Variants in PAX4 observed in about 807,000 individuals in gnomAD.
PAX4 encodes paired box protein Pax-4.
In PAX4, 33 loss-of-function variants were observed where a neutral mutation model predicts 40.6. That is an observed-to-expected ratio of 0.81 (90% CI 0.62 to 1.09). The LOEUF (loss-of-function observed/expected upper bound fraction) is 1.09, where lower values mean the gene tolerates loss of function less well. Among genes scored for constraint, PAX4 ranks in the 50% least tolerant of loss-of-function variants. PAX4 has a pLI of 0.00. For missense variants in PAX4, 459 were observed against 442.5 expected (o/e 1.04, Z -0.33); for synonymous variants, 174 against 170.6 (o/e 1.02, Z -0.16).
intron 5 of PAX4, 149 bp downstream of exon 5, chr7:127,614,731 C>T (rs1794695598): frequency 8.1e-7 from 1 of 1,237,206 alleles, no homozygotes; most frequent in Non-Finnish European, 1.2e-6. Context: ...TTATTACCAC[C>T]ACTTTTCAAA....
At chr7:127,614,203 A>T (rs1053444114) in intron 6 of PAX4, among the ~76,000 whole-genome samples, 16 of 152,082 alleles carry the variant, frequency 1.1e-4, no homozygotes, top group Non-Finnish European at 1.8e-4. Flanking sequence ...TATGAGATGC[A>T]GTCCTGCCTC....
Position 127,615,940 on chromosome 7 carries a change from A to G in PAX4, c.-12T>C. 2.6e-6 allele frequency: 4 copies of G among 1,535,960 alleles called. No homozygotes were observed. The Admixed American group carries it at 5.9e-5, about 23-fold the overall frequency. On this transcript the variant is annotated 5_prime_UTR_variant, in exon 3 of 12. Coordinates refer to ENST00000639438, the MANE Select transcript of PAX4 (RefSeq NM_001366110.1). ...CCGTCCTGATGCATGCTCCAGGCTG[A>G]CCCTCCTCAGAAGGATGAGACTCCA...
chr7:127,614,770 G>C (rs952883274), intron 5 of PAX4, 110 bp downstream of exon 5: 1 of 1,451,842 alleles, frequency 6.9e-7, no homozygotes, highest in Non-Finnish European at 9.4e-7. Context: ...GAATTGCCCA[G>C]GAGCCCTGTC....
intron 9 of PAX4, 72 bp downstream of exon 9, chr7:127,612,948 GAT>G: frequency 9.4e-7 from 1 of 1,068,096 alleles, no homozygotes; most frequent in Middle Eastern, 2.9e-4. Context: ...TGGATGGATG[GAT>G]GGATGGATGG....
intron 2 of PAX4, among the ~76,000 whole-genome samples, chr7:127,616,646 G>A (rs1360008872): frequency 1.3e-5 from 2 of 152,198 alleles, no homozygotes; most frequent in African/African-American, 4.8e-5. Flanking sequence ...GCTTCTCCTA[G>A]GAGACGCATC....
intron 9 of PAX4, 106 bp downstream of exon 9, chr7:127,612,916 A>G: frequency 1.2e-6 from 1 of 854,914 alleles, no homozygotes; most frequent in Non-Finnish European, 2.0e-6. Flanking sequence ...GTGGATGGAT[A>G]AATGGATGGA....
chr7:127,614,901 G>A lies in PAX4; in HGVS notation c.339C>T (p.Cys113=). 1 of 1,614,084 alleles carries A rather than the reference G, an allele frequency of 6.2e-7. No homozygotes were observed. ...TTACACTGGGAGTCTTGTCCTGGGTGCAAAGCCCTTCAGCACAAAGCTGGC... is the reference window on the plus strand; with the variant it reads ...TTACACTGGGAGTCTTGTCCTGGGTACAAAGCCCTTCAGCACAAAGCTGGC... ...IQRQLCAEGL[C]TQDKTPSVSS... is the part of the protein sequence containing the mutation. The change falls in exon 5 of 12, where the codon TGC becomes TGT. Residue 113 remains cysteine, a synonymous_variant. Coordinates refer to ENST00000639438, the MANE Select transcript of PAX4 (RefSeq NM_001366110.1).
chr7:127,613,374 T>A, intron 8 of PAX4, 76 bp downstream of exon 8: 1 of 1,411,344 alleles, frequency 7.1e-7, no homozygotes, highest in Non-Finnish European at 1.0e-6. Context: ...CCTCTCCACC[T>A]CATTGGAACC....
Position 127,612,001 on chromosome 7 carries a change from C to A in PAX4, c.716-1G>T, listed in dbSNP as rs946423492. ...GGTACAGTCAGCCCCTGGGAAGCACCTATAAAATGAGAGTGAATCCACTCA... is the reference window on the plus strand; with the variant it reads ...GGTACAGTCAGCCCCTGGGAAGCACATATAAAATGAGAGTGAATCCACTCA... On this transcript the variant is annotated splice_acceptor_variant, in intron 9 of 11. Coordinates refer to ENST00000639438, the MANE Select transcript of PAX4 (RefSeq NM_001366110.1). LOFTEE classifies it high-confidence loss of function. 2 of 1,613,900 alleles carry A rather than the reference C, an allele frequency of 1.2e-6. No homozygotes were observed. Among genetic ancestry groups the A allele is most frequent in the Admixed American group, 1.7e-5 (1 of 59,988 alleles).
intron 2 of PAX4, among the ~76,000 whole-genome samples, chr7:127,616,817 CAGG>C (rs1231549768): frequency 1.3e-5 from 2 of 152,204 alleles, no homozygotes; most frequent in Non-Finnish European, 2.9e-5. Context: ...GAATGAGAAG[CAGG>C]AGAAGACTGT....
At chr7:127,614,413 G>A (rs1162159189) in intron 6 of PAX4, 69 bp downstream of exon 6, 1 of 1,245,624 alleles carries the variant, frequency 8.0e-7, no homozygotes, top group Non-Finnish European at 1.2e-6. Flanking sequence ...GAACGAGAAA[G>A]GGCTTTGAGA....
chr7:127,614,564 G>C lies in PAX4; in HGVS notation c.361-7C>G. 6.3e-7 allele frequency: 1 copy of C among 1,584,726 alleles called. No homozygotes were observed. Among genetic ancestry groups the C allele is most frequent in the African/African-American group, 1.3e-5 (1 of 74,558 alleles). On this transcript the variant is annotated splice_region_variant and splice_polypyrimidine_tract_variant and intron_variant, in intron 5 of 11. Transcript: ENST00000639438. ...CTCGGTTGATGGAGGAGACCTGGGA[G>C]TGTCAGGGTGTTGAGTGGAGAGATG...
chr7:127,610,363 A>G lies in PAX4; in HGVS notation c.*701T>C, dbSNP rs1314006833. ...ATACATATGCAAATACAAAATACAT[A>G]TGCAAATACAAAATACATATGACAA... On this transcript the variant is annotated 3_prime_UTR_variant, in exon 12 of 12. Transcript: ENST00000639438. 1 of 156,502 alleles carries G rather than the reference A, an allele frequency of 6.4e-6. No homozygotes were observed. Among genetic ancestry groups the G allele is most frequent in the Admixed American group, 6.2e-5 (1 of 16,256 alleles). 9.7% of individuals were successfully genotyped at this position (156,502 alleles called of 1,614,324 possible).
Position 127,613,342 on chromosome 7 carries a change from T to C in PAX4, c.645+108A>G, listed in dbSNP as rs1794667037. The C allele has an allele frequency of 2.7e-6, 3 of 1,098,844 alleles. 1 individual carries two copies. In the South Asian group the frequency reaches 3.7e-5, roughly 14 times the overall value. The allele number at this position is 1,098,844 out of a possible 1,614,324, so 68.1% of individuals were successfully genotyped here. On this transcript the variant is annotated intron_variant, in intron 8 of 11. Coordinates refer to ENST00000639438, the MANE Select transcript of PAX4 (RefSeq NM_001366110.1). ...TCTCTGATTGTTGCTCCAAACAAAT[T>C]TGCTTCCAATTTCTCACCTCCCCTC...
At chr7:127,613,414 C>A (rs770747318) in intron 8 of PAX4, 36 bp downstream of exon 8, 1 of 1,600,642 alleles carries the variant, frequency 6.2e-7, no homozygotes. Flanking sequence ...GACTCTTCCT[C>A]CTTGTGGTTT....
At position 127,616,031 on chromosome 7, in the gene PAX4, C is replaced by A. The variant is rs1404440827; in HGVS notation, c.-99-4G>T. Reference sequence around the variant, plus strand: ...TTTTCCAGCTTGGGGGCTGGCTCTGCAATAATGGGGGGTTATTTGGGTGAG... The same window carrying A: ...TTTTCCAGCTTGGGGGCTGGCTCTGAAATAATGGGGGGTTATTTGGGTGAG... On this transcript the variant is annotated splice_region_variant and splice_polypyrimidine_tract_variant and intron_variant, in intron 2 of 11. Coordinates refer to ENST00000639438, the MANE Select transcript of PAX4 (RefSeq NM_001366110.1). The A allele has an allele frequency of 1.6e-5, 21 of 1,347,574 alleles. No homozygotes were observed. The highest frequency in any genetic ancestry group is 1.8e-4 in the Middle Eastern group (1 of 5,572). The allele number at this position is 1,347,574 out of a possible 1,614,324, so 83.5% of individuals were successfully genotyped here.
At position 127,610,706 on chromosome 7, in the gene PAX4, G is replaced by A; in HGVS notation, c.*358C>T. 3.2e-6 allele frequency: 2 copies of A among 631,280 alleles called. No individual in the cohort carries two copies. The highest frequency in any genetic ancestry group is 5.6e-6 in the Non-Finnish European group (2 of 357,740). 39.1% of individuals were successfully genotyped at this position (631,280 alleles called of 1,614,324 possible). A position where few individuals can be genotyped will look rare whatever the true frequency, so the allele number is the denominator to read the frequency against. ...GCATAGATTAGATGGTAGATACATA[G>A]ATGTAAATAAATGATAGGGCAAATT... On this transcript the variant is annotated 3_prime_UTR_variant, in exon 12 of 12. Coordinates refer to ENST00000639438, the MANE Select transcript of PAX4 (RefSeq NM_001366110.1).
rs1175669085 is a variant in PAX4 at position 127,611,550 on chromosome 7, G to C, written c.898C>G (p.Leu300Val). The stretch of plus-strand genomic sequence containing the variant: ...GAATTCTTACCCCAGCAGGGCTTGA[G>C]ACAGGCTTTAGGTGGGGTGTCACTC... ...CLSDTPPKAC[L>V]KPCWGHLPPQ... Residue 300 changes from leucine (L) to valine (V), a missense_variant, in exon 11 of 12, where the codon CTC becomes GTC. Transcript: ENST00000639438. 1 of 1,613,780 alleles carries C rather than the reference G, an allele frequency of 6.2e-7. No individual in the cohort carries two copies. The highest frequency in any genetic ancestry group is 8.5e-7 in the Non-Finnish European group (1 of 1,179,862).
In PAX4 at chr7:127,615,436, C is replaced by T. The variant is rs772271770; in HGVS notation, c.109G>A (p.Gly37Arg). The T allele has an allele frequency of 5.0e-6, 8 of 1,614,102 alleles. No individual in the cohort carries two copies. In the African/African-American group the frequency reaches 1.1e-4, roughly 22 times the overall value. The part of the protein sequence containing the change: ...RQQIVRLAVS[G>R]MRPCDISRIL... ...CGTGAGATGTCACAGGGCCGCATTC[C>T]ACTGACTGCTAGCCGCACAATCTGC... Residue 37 changes from glycine (G) to arginine (R), a missense_variant, in exon 4 of 12, where the codon GGA (glycine) becomes AGA (arginine). Transcript: ENST00000639438.
Sources: gnomAD v4.1 joint callset for allele counts (sites outside exome capture counted in the v4.1 genomes callset) on GRCh38, gnomAD v4.1.1 for gene constraint, MANE v1.5 for transcripts, NCBI Gene and HGNC (gene_info 2026-07-23, HGNC 2026-07-21) for gene names.